Variants in SCG2 observed in about 807,000 individuals in gnomAD.
The protein encoded by SCG2 is secretogranin II.
SCG2 carries 23 observed loss-of-function variants against 49.5 expected under a neutral mutation model. The observed-to-expected ratio is 0.46, with a 90% CI of 0.33 to 0.66. The LOEUF (loss-of-function observed/expected upper bound fraction) is 0.66. Among genes scored for constraint, SCG2 ranks in the 30% least tolerant of loss-of-function variants. The pLI, the probability that SCG2 is intolerant of heterozygous loss-of-function variation, is 0.01. For missense variants in SCG2, 730 were observed against 728.2 expected (o/e 1.00, Z -0.03); for synonymous variants, 288 against 260.4 (o/e 1.11, Z -1.02).
At position 223,598,744 on chromosome 2, in the gene SCG2, T is replaced by A. The variant is rs774924910; in HGVS notation, c.539A>T (p.Lys180Ile). ...TTCCTCCACTATTTCATTTGTGCGT[T>A]TAAAGGGGTTATCCCTGGAATTCTC... The part of the protein sequence containing the change: ...YEENSRDNPF[K>I]RTNEIVEEQY... The change falls in exon 2 of 2, where the codon AAA becomes ATA. Residue 180 changes from lysine (K) to isoleucine (I), a missense_variant. Coordinates refer to ENST00000305409, the MANE Select transcript of SCG2 (RefSeq NM_003469.5). The A allele has an allele frequency of 6.2e-7, 1 of 1,613,850 alleles. No homozygotes were observed. The highest frequency in any genetic ancestry group is 8.5e-7 in the Non-Finnish European group (1 of 1,180,026).
Position 223,599,250 on chromosome 2 carries a change from T to C in SCG2, c.33A>G (p.Ala11=). The change falls in exon 2 of 2, where the codon GCA becomes GCG. Residue 11 remains alanine (A), a synonymous_variant. Transcript: ENST00000305409. ...AAATTAAAGGGATAAGAGACAGGGC[T>C]GCTCCAAGCCAGTGGGTCTTTGCTT... is the stretch of plus-strand genomic sequence containing the variant. MAEAKTHWLG[A]ALSLIPLIFL... is the part of the protein sequence containing the mutation. 6.3e-7 allele frequency: 1 copy of C among 1,595,660 alleles called. No homozygotes were observed. The highest frequency in any genetic ancestry group is 1.1e-5 in the South Asian group (1 of 90,358).
Position 223,598,101 on chromosome 2 carries a change from G to T in SCG2, c.1182C>A (p.Ile394=), listed in dbSNP as rs1194179398. The T allele has an allele frequency of 6.2e-6, 10 of 1,606,948 alleles. No homozygotes were observed. Among genetic ancestry groups the T allele is most frequent in the Non-Finnish European group, 8.5e-6 (10 of 1,176,340 alleles). The change falls in exon 2 of 2, where the codon ATC becomes ATA. Residue 394 remains isoleucine (I), a synonymous_variant. Transcript: ENST00000305409. The part of the protein sequence containing the change: ...ELDLPVDLDD[I]SEADLDHPDL... ...CTGGATGGTCTAAGTCAGCCTCTGAGATGTCATCTAGGTCAACAGGAAGGT... is the reference window on the plus strand; with the variant it reads ...CTGGATGGTCTAAGTCAGCCTCTGATATGTCATCTAGGTCAACAGGAAGGT...
intron 1 of SCG2, among the ~76,000 whole-genome samples, chr2:223,599,739 C>T (rs543659520): frequency 3.9e-4 from 60 of 152,230 alleles, no homozygotes; most frequent in Non-Finnish European, 6.6e-4. Context: ...TTTACACATA[C>T]GCGCCCACAA....
chr2:223,597,489 G>A lies in SCG2; in HGVS notation c.1794C>T (p.Asn598=), dbSNP rs16864974. ...DLLMKVLEYL[N]QEKAEKGREH... is the part of the protein sequence containing the mutation. Reference sequence around the variant, plus strand: ...CCCTTCCCTTTTCTGCCTTTTCTTGGTTGAGGTATTCCAGCACTTTCATTA... The same window carrying A: ...CCCTTCCCTTTTCTGCCTTTTCTTGATTGAGGTATTCCAGCACTTTCATTA... The change falls in exon 2 of 2, where the codon AAC becomes AAT. Residue 598 remains asparagine, a synonymous_variant. Transcript: ENST00000305409. The A allele has an allele frequency of 2.7e-3, 4,398 of 1,613,756 alleles. 95 individuals carry two copies. In the African/African-American group the frequency reaches 0.052, roughly 19 times the overall value.
In SCG2 at chr2:223,598,817, A is replaced by T; in HGVS notation, c.466T>A (p.Trp156Arg). 6.2e-7 allele frequency: 1 copy of T among 1,614,134 alleles called. No individual in the cohort carries two copies. Among genetic ancestry groups the T allele is most frequent in the Non-Finnish European group, 8.5e-7 (1 of 1,180,030 alleles). ...DMSDDYETQQ[W>R]PERKLKHMQF... ...ATGTGCTTAAGCTTTCTTTCTGGCC[A>T]CTGCTGTGTCTCATAATCATCACTC... The change falls in exon 2 of 2, where the codon TGG becomes AGG. Residue 156 changes from tryptophan to arginine, a missense_variant. Physicochemically the swap from Trp to Arg is moderately radical, Grantham distance 101 (BLOSUM62 -3). Transcript: ENST00000305409.
chr2:223,601,923 T>C (rs909234792), intron 1 of SCG2, among the ~76,000 whole-genome samples: 56 of 152,362 alleles, frequency 3.7e-4, no homozygotes, highest in African/African-American at 1.3e-3. Context: ...CCTGGCTTCG[T>C]ATCTGGCTCT....
chr2:223,598,134 C>A lies in SCG2; in HGVS notation c.1149G>T (p.Arg383=), dbSNP rs780570947. The A allele has an allele frequency of 2.5e-6, 4 of 1,611,668 alleles. No individual in the cohort carries two copies. The African/African-American group carries it at 5.4e-5, about 22-fold the overall frequency. ...CTAGGTCAACAGGAAGGTCAAGCTC[C>A]CGCTCCGGTTCCACTGATCCATTCG... ...EKPNGSVEPE[R]ELDLPVDLDD... is the part of the protein sequence containing the mutation. The change falls in exon 2 of 2, where the codon CGG becomes CGT. Residue 383 remains arginine (R), a synonymous_variant. Transcript: ENST00000305409.
rs746228465 is a variant in SCG2, at chr2:223,599,181, C to G, written c.102G>C (p.Gln34His). 27 of 1,613,826 alleles carry G rather than the reference C, an allele frequency of 1.7e-5. No homozygotes were observed. Among genetic ancestry groups the G allele is most frequent in the Non-Finnish European group, 2.2e-5 (26 of 1,179,840 alleles). The change falls in exon 2 of 2, where the codon CAG becomes CAC. Residue 34 changes from glutamine to histidine, a missense_variant. Gln to His is a conservative substitution (Grantham distance 24). Transcript: ENST00000305409. ...GAEAASFQRN[Q>H]LLQKEPDLRL... ...TGAGGTCTGGTTCTTTCTGAAGCAG[C>G]TGGTTTCTCTGAAATGAAGCTGCTT...
Position 223,597,954 on chromosome 2 carries a change from C to G in SCG2, c.1329G>C (p.Glu443Asp), listed in dbSNP as rs1370426989. ...VEDILNLLGM[E>D]SAANQKTSYF... ...ACGACGTTTTCTGATTTGCTGCACT[C>G]TCCATCCCTAAAAGATTTAAAATAT... The change falls in exon 2 of 2, where the codon GAG becomes GAC. Residue 443 changes from glutamate (E) to aspartate (D), a missense_variant. Physicochemically the swap from Glu to Asp is conservative, Grantham distance 45. Transcript: ENST00000305409. 4 of 1,614,134 alleles carry G rather than the reference C, an allele frequency of 2.5e-6. No individual in the cohort carries two copies. The highest frequency in any genetic ancestry group is 2.2e-5 in the South Asian group (2 of 91,082).
intron 1 of SCG2, among the ~76,000 whole-genome samples, chr2:223,601,319 A>T (rs561371931): frequency 6.6e-6 from 1 of 152,322 alleles, no homozygotes; most frequent in East Asian, 1.9e-4. Context: ...CTGAAATCCA[A>T]ATAATTAGAA....
chr2:223,602,149 G>A (rs1378513351), intron 1 of SCG2, 136 bp downstream of exon 1: 1 of 152,202 alleles, frequency 6.6e-6, no homozygotes, highest in Non-Finnish European at 1.5e-5. Flanking sequence ...TACATTGGCT[G>A]ATGAGCAGCA....
Position 223,598,224 on chromosome 2 carries a change from T to C in SCG2, c.1059A>G (p.Glu353=). 6.2e-7 allele frequency: 1 copy of C among 1,614,182 alleles called. No homozygotes were observed. Among genetic ancestry groups the C allele is most frequent in the Non-Finnish European group, 8.5e-7 (1 of 1,180,040 alleles). Residue 353 remains glutamate (E), a synonymous_variant, in exon 2 of 2, where the codon GAA becomes GAG. Coordinates refer to ENST00000305409, the MANE Select transcript of SCG2 (RefSeq NM_003469.5). The part of the protein sequence containing the change: ...LDSQSIYQLI[E]ISRNLQIPPE... ...GGGGTATCTGTAAATTCCTTGAGAT[T>C]TCAATCAGCTGATAAATAGACTGAG...
intron 1 of SCG2, among the ~76,000 whole-genome samples, chr2:223,600,953 C>A (rs1691380099): frequency 6.6e-6 from 1 of 152,130 alleles, no homozygotes; most frequent in African/African-American, 2.4e-5. Context: ...TGGTAATCAA[C>A]TTTCAACATT....
In SCG2 at chr2:223,597,204, C is replaced by T. The variant is rs548970939; in HGVS notation, c.*225G>A. On this transcript the variant is annotated 3_prime_UTR_variant, in exon 2 of 2. Coordinates refer to ENST00000305409, the MANE Select transcript of SCG2 (RefSeq NM_003469.5). ...ATAGATATCTTTCTTGAATAATGGACATAATAAATTTTTTATCAAGGAGTC... is the reference window on the plus strand; with the variant it reads ...ATAGATATCTTTCTTGAATAATGGATATAATAAATTTTTTATCAAGGAGTC... 9.5e-5 allele frequency: 40 copies of T among 421,098 alleles called. No individual in the cohort carries two copies. The South Asian group carries it at 1.8e-3, about 19-fold the overall frequency. The allele number at this position is 421,098 out of a possible 1,614,324, so 26.1% of individuals were successfully genotyped here.
At chr2:223,600,163 A>G (rs1691369594) in intron 1 of SCG2, among the ~76,000 whole-genome samples, 1 of 152,214 alleles carries the variant, frequency 6.6e-6, no homozygotes, top group East Asian at 1.9e-4. Flanking sequence ...TTCAGAGTGT[A>G]TAGTAAATAA....
intron 1 of SCG2, among the ~76,000 whole-genome samples, chr2:223,599,826 C>T (rs984291759): frequency 2.0e-5 from 3 of 152,164 alleles, no homozygotes; most frequent in Admixed American, 1.3e-4. Flanking sequence ...TGCTGAAACA[C>T]AGCTGCAGTT....
Position 223,598,418 on chromosome 2 carries a change from C to G in SCG2, c.865G>C (p.Gly289Arg). The stretch of plus-strand genomic sequence containing the variant: ...TTCCGAAGATCTTCTTCCTGGATGC[C>G]AAGCTGCCCTGAGCGTTTCATCTCA... The part of the protein sequence containing the change: ...NDEMKRSGQL[G>R]IQEEDLRKES... The change falls in exon 2 of 2, where the codon GGC (glycine) becomes CGC (arginine). Residue 289 changes from glycine to arginine, a missense_variant. Gly to Arg is a moderately radical substitution (Grantham distance 125, BLOSUM62 -2). Transcript: ENST00000305409. The G allele has an allele frequency of 1.2e-6, 2 of 1,614,076 alleles. No individual in the cohort carries two copies. The highest frequency in any genetic ancestry group is 1.7e-6 in the Non-Finnish European group (2 of 1,180,026).
Position 223,597,909 on chromosome 2 carries a change from G to A in SCG2, c.1374C>T (p.Asn458=). 1 of 1,614,086 alleles carries A rather than the reference G, an allele frequency of 6.2e-7. No homozygotes were observed. The highest frequency in any genetic ancestry group is 8.5e-7 in the Non-Finnish European group (1 of 1,180,028). ...GGAGCCTTGGCAGAACTTTCTCCTG[G>A]TTATATGGATTGGGAAAATACGACG... ...QKTSYFPNPY[N]QEKVLPRLPY... is the part of the protein sequence containing the mutation. The change falls in exon 2 of 2, where the codon AAC becomes AAT. Residue 458 remains asparagine, a synonymous_variant. Coordinates refer to ENST00000305409, the MANE Select transcript of SCG2 (RefSeq NM_003469.5).
Position 223,598,673 on chromosome 2 carries a change from C to G in SCG2, c.610G>C (p.Glu204Gln). 1 of 1,614,046 alleles carries G rather than the reference C, an allele frequency of 6.2e-7. No homozygotes were observed. Among genetic ancestry groups the G allele is most frequent in the Non-Finnish European group, 8.5e-7 (1 of 1,180,038 alleles). ...TTTGGTCCTGTCAGTTTCCCCAGCT[C>G]TTGGAAGACAGATTCCAATGTAGCA... ...SLATLESVFQ[E>Q]LGKLTGPNNQ... Residue 204 changes from glutamate to glutamine, a missense_variant, in exon 2 of 2, where the codon GAG becomes CAG. Transcript: ENST00000305409.
Sources: gnomAD v4.1 joint callset for allele counts (sites outside exome capture counted in the v4.1 genomes callset) on GRCh38, gnomAD v4.1.1 for gene constraint, MANE v1.5 for transcripts, NCBI Gene and HGNC (gene_info 2026-07-23, HGNC 2026-07-21) for gene names.